The following ADK variants were observed in gnomAD, a reference collection of about 807,000 sequenced individuals.
ADK encodes adenosine kinase.
Under a neutral mutation model 44.7 loss-of-function variants are expected in ADK, and 24 were observed. The ratio of observed to expected loss-of-function variants is 0.54; its 90% CI spans 0.39 to 0.76. The LOEUF is 0.76. Among genes scored for constraint, ADK ranks in the 30% least tolerant of loss-of-function variants. The probability of loss-of-function intolerance (pLI) is 0.00; values close to 1 mark genes in which losing one functional copy is unlikely to be tolerated. For missense variants in ADK, 321 were observed against 425.1 expected (o/e 0.76, Z 2.15); for synonymous variants, 128 against 142.6 (o/e 0.90, Z 0.73).
intron 2 of ADK, among the ~76,000 whole-genome samples, chr10:74,221,659 G>C (rs1591882090): frequency 6.8e-6 from 1 of 146,686 alleles, no homozygotes; most frequent in East Asian, 2.0e-4. Flanking sequence ...CATGGTACTG[G>C]TACCAAAACA....
chr10:74,396,881 G>T (rs114215138), intron 5 of ADK, among the ~76,000 whole-genome samples: 1 of 151,874 alleles, frequency 6.6e-6, no homozygotes, highest in Non-Finnish European at 1.5e-5. Context: ...GCTTGAACCC[G>T]GAGGCGGAGG....
chr10:74,664,829 G>A (rs1308033050), intron 9 of ADK, among the ~76,000 whole-genome samples: 19 of 151,974 alleles, frequency 1.3e-4, no homozygotes, highest in Admixed American at 1.0e-3. Flanking sequence ...GCGACGCAGC[G>A]AAACTCCATC....
intron 9 of ADK, among the ~76,000 whole-genome samples, chr10:74,621,673 G>GT (rs1852999292): frequency 6.6e-6 from 1 of 151,980 alleles, no homozygotes; most frequent in African/African-American, 2.4e-5. Flanking sequence ...ATATAGGTCT[G>GT]TTTTTTTGTT....
At chr10:74,515,700 G>GC (rs1848542089) in intron 6 of ADK, among the ~76,000 whole-genome samples, 1 of 152,154 alleles carries the variant, frequency 6.6e-6, no homozygotes, top group African/African-American at 2.4e-5. Flanking sequence ...CTGGCCCTGG[G>GC]CCATATCACC....
At chr10:74,586,499 T>C (rs912417066) in intron 7 of ADK, among the ~76,000 whole-genome samples, 21 of 152,220 alleles carry the variant, frequency 1.4e-4, no homozygotes, top group Non-Finnish European at 2.9e-5. Context: ...GACATTTATA[T>C]ATGTGTCTTC....
At chr10:74,568,078 T>C (rs1430965624) in intron 7 of ADK, among the ~76,000 whole-genome samples, 1 of 152,152 alleles carries the variant, frequency 6.6e-6, no homozygotes, top group Non-Finnish European at 1.5e-5. Flanking sequence ...CATGCAGCCC[T>C]GGATGGCTTT....
At chr10:74,300,153 G>A (rs958538747) in intron 3 of ADK, among the ~76,000 whole-genome samples, 5 of 150,710 alleles carry the variant, frequency 3.3e-5, no homozygotes, top group African/African-American at 9.8e-5. Context: ...CAAAGTGTTG[G>A]GATTATAGGT....
intron 4 of ADK, among the ~76,000 whole-genome samples, chr10:74,355,855 T>G (rs1274356042): frequency 6.6e-6 from 1 of 152,146 alleles, no homozygotes; most frequent in Non-Finnish European, 1.5e-5. Flanking sequence ...TCAGGCATAG[T>G]GCTACTTATC....
At chr10:74,687,560 G>T (rs1255488726) in intron 10 of ADK, among the ~76,000 whole-genome samples, 1 of 152,196 alleles carries the variant, frequency 6.6e-6, no homozygotes, top group Non-Finnish European at 1.5e-5. Flanking sequence ...ATACGTGGAT[G>T]GGCTCTATAA....
intron 8 of ADK, among the ~76,000 whole-genome samples, chr10:74,593,200 T>A (rs1304104974): frequency 6.6e-6 from 1 of 152,228 alleles, no homozygotes; most frequent in Non-Finnish European, 1.5e-5. Context: ...AGTGCAGTGT[T>A]GTTTTTGTAG....
chr10:74,229,215 T>C (rs1844656578), intron 3 of ADK, among the ~76,000 whole-genome samples: 1 of 152,122 alleles, frequency 6.6e-6, no homozygotes, highest in Non-Finnish European at 1.5e-5. Flanking sequence ...AATTATGCAA[T>C]AGGCATGAAC....
In ADK at chr10:74,576,975, G is replaced by A. The variant is rs577468175; in HGVS notation, c.727-12307G>A. On this transcript the variant is annotated intron_variant, in intron 7 of 10. Coordinates refer to ENST00000539909, the MANE Select transcript of ADK (RefSeq NM_006721.4). ...ATAATTGGCTATTTCATTATTAAAT[G>A]CAGTATGAACTTTGCAGAAGTATTC... Among the ~76,000 whole-genome samples, 14 of 152,202 alleles carry A rather than the reference G, an allele frequency of 9.2e-5. No homozygotes were observed. The South Asian group carries it at 2.9e-3, about 32-fold the overall frequency.
At chr10:74,151,728 T>G (rs1841597036) in intron 1 of ADK, among the ~76,000 whole-genome samples, 1 of 152,200 alleles carries the variant, frequency 6.6e-6, no homozygotes, top group African/African-American at 2.4e-5. Context: ...GCTCGGCAAC[T>G]GCTGTACACT....
intron 7 of ADK, among the ~76,000 whole-genome samples, chr10:74,588,275 T>C (rs1851596117): frequency 6.6e-6 from 1 of 152,188 alleles, no homozygotes; most frequent in South Asian, 2.1e-4. Flanking sequence ...ATTCCTAATA[T>C]TACCTAATTT....
chr10:74,389,993 C>A (rs1423905199), intron 4 of ADK, among the ~76,000 whole-genome samples: 1 of 151,972 alleles, frequency 6.6e-6, no homozygotes, highest in Non-Finnish European at 1.5e-5. Flanking sequence ...TTTCACTGAA[C>A]AAAGTTTGCT....
intron 3 of ADK, among the ~76,000 whole-genome samples, chr10:74,291,465 C>G (rs1412898051): frequency 6.6e-6 from 1 of 151,978 alleles, no homozygotes; most frequent in African/African-American, 2.4e-5. Context: ...CCTAATGTCA[C>G]ATATAACAAA....
At chr10:74,363,337 G>T (rs1230250616) in intron 4 of ADK, among the ~76,000 whole-genome samples, 2 of 152,128 alleles carry the variant, frequency 1.3e-5, no homozygotes, top group Non-Finnish European at 2.9e-5. Context: ...GGCTCAGAGG[G>T]GTGTGCATCG....
chr10:74,440,348 A>G (rs914541459), intron 6 of ADK, among the ~76,000 whole-genome samples: 2 of 152,126 alleles, frequency 1.3e-5, no homozygotes, highest in African/African-American at 4.8e-5. Flanking sequence ...CCTGGCTGAT[A>G]AGTGACAGAT....
intron 3 of ADK, among the ~76,000 whole-genome samples, chr10:74,227,106 C>T (rs958565430): frequency 2.6e-5 from 4 of 152,046 alleles, no homozygotes; most frequent in African/African-American, 9.7e-5. Flanking sequence ...TCAGAGTCTG[C>T]TAAGGAGTGT....
Sources: gnomAD v4.1 joint callset for allele counts (sites outside exome capture counted in the v4.1 genomes callset) on GRCh38, gnomAD v4.1.1 for gene constraint, MANE v1.5 for transcripts, NCBI Gene and HGNC (gene_info 2026-07-23, HGNC 2026-07-21) for gene names.